Variants in GDA observed in about 807,000 individuals in gnomAD.
GDA encodes guanine deaminase.
Under a neutral mutation model 59.6 loss-of-function variants are expected in GDA, and 18 were observed. The observed-to-expected ratio is 0.30, with a 90% CI of 0.21 to 0.45. GDA has a LOEUF of 0.45. GDA is among the 20% of genes least tolerant of loss of function. GDA has a pLI of 1.00. For synonymous variants in GDA, 201 were observed against 201.1 expected (o/e 1.00, Z 0.00); for missense variants, 427 against 552.3 (o/e 0.77, Z 2.27).
At chr9:72,130,889 A>G (rs933944201) in intron 1 of GDA, among the ~76,000 whole-genome samples, 4 of 152,030 alleles carry the variant, frequency 2.6e-5, no homozygotes, top group African/African-American at 9.7e-5. Flanking sequence ...TGCTATCTTC[A>G]CCTCCTATCC....
chr9:72,133,024 C>T (rs956819879), intron 1 of GDA, among the ~76,000 whole-genome samples: 1 of 152,054 alleles, frequency 6.6e-6, no homozygotes, highest in Non-Finnish European at 1.5e-5. Context: ...GGTGCAGTGG[C>T]TCACACCTAT....
At chr9:72,236,180 A>G (rs1447048482) in intron 10 of GDA, among the ~76,000 whole-genome samples, 1 of 152,118 alleles carries the variant, frequency 6.6e-6, no homozygotes, top group East Asian at 1.9e-4. Flanking sequence ...TTGTATTCAC[A>G]TTGCAAAAGC....
At chr9:72,131,576 C>T (rs562052181) in intron 1 of GDA, among the ~76,000 whole-genome samples, 1 of 152,130 alleles carries the variant, frequency 6.6e-6, no homozygotes, top group African/African-American at 2.4e-5. Context: ...ATTATATCAG[C>T]CCTGAACCCT....
intron 1 of GDA, among the ~76,000 whole-genome samples, chr9:72,124,844 G>C (rs1825789983): frequency 6.6e-6 from 1 of 152,102 alleles, no homozygotes; most frequent in Admixed American, 6.5e-5. Context: ...TCCTGACCTT[G>C]TGATCCACCC....
intron 10 of GDA, among the ~76,000 whole-genome samples, chr9:72,235,434 T>A (rs1337449918): frequency 6.6e-6 from 1 of 152,226 alleles, no homozygotes; most frequent in Non-Finnish European, 1.5e-5. Context: ...AATTCTGTCT[T>A]ATAATTTTAT....
At chr9:72,138,804 G>A (rs1320235251) in intron 1 of GDA, among the ~76,000 whole-genome samples, 2 of 152,170 alleles carry the variant, frequency 1.3e-5, no homozygotes, top group African/African-American at 4.8e-5. Context: ...TATACAAGGC[G>A]CTCAACAAAT....
intron 3 of GDA, among the ~76,000 whole-genome samples, chr9:72,209,090 C>G (rs1835061796): frequency 6.7e-6 from 1 of 149,626 alleles, no homozygotes; most frequent in African/African-American, 2.5e-5. Context: ...TATCTGTGAC[C>G]AGTTTTTTTT....
intron 3 of GDA, among the ~76,000 whole-genome samples, chr9:72,209,898 T>C (rs1835154369): frequency 6.6e-6 from 1 of 152,160 alleles, no homozygotes. Context: ...AATGACTGAG[T>C]GCCCTTGAGG....
At position 72,149,511 on chromosome 9, in the gene GDA, G is replaced by C. The variant is rs1826871600; in HGVS notation, c.-49G>C. On this transcript the variant is annotated 5_prime_UTR_variant, in exon 1 of 14. Transcript: ENST00000358399. ...CAGAGAGTCCCGCTGCGTCTCCGCC[G>C]CGTGCGCCCTCCTCGACCAGCAGAC... The C allele has an allele frequency of 6.3e-7, 1 of 1,599,226 alleles. No homozygotes were observed. The highest frequency in any genetic ancestry group is 1.7e-5 in the Admixed American group (1 of 59,482).
rs1828966059 is a variant in GDA at position 72,163,894 on chromosome 9, G to T, written c.123+14212G>T. Among the ~76,000 whole-genome samples the T allele has an allele frequency of 1.3e-5, 2 of 152,170 alleles. 1 individual carries two copies. The highest frequency in any genetic ancestry group is 4.1e-4 in the South Asian group (2 of 4,824). ...GTGCAGGAGGCAGTTTCAGCAGCCA[G>T]GCTTGCATAGAATTACGTTCTTGGA... On this transcript the variant is annotated intron_variant, in intron 1 of 13. Transcript: ENST00000358399.
intron 1 of GDA, among the ~76,000 whole-genome samples, chr9:72,183,311 C>T (rs1587521821): frequency 6.6e-6 from 1 of 152,094 alleles, no homozygotes; most frequent in African/African-American, 2.4e-5. Context: ...ACAGCCTTGC[C>T]CATTCCACCT....
chr9:72,135,163 C>CT (rs901595354), intron 1 of GDA, among the ~76,000 whole-genome samples: 22 of 147,582 alleles, frequency 1.5e-4, no homozygotes, highest in East Asian at 2.0e-4. Context: ...CAAATAAGTA[C>CT]TTTTTTTTTT....
At chr9:72,198,211 A>G (rs373059631) in intron 2 of GDA, among the ~76,000 whole-genome samples, 1 of 151,892 alleles carries the variant, frequency 6.6e-6, no homozygotes, top group East Asian at 1.9e-4. Context: ...CCTGGCCAAC[A>G]TGGTGAAACC....
In GDA at chr9:72,231,947, C is replaced by T. The variant is rs139762220; in HGVS notation, c.988+766C>T. The stretch of plus-strand genomic sequence containing the variant: ...AATGAGACCTCTCCATATCCACAGG[C>T]AGTCTGCTTGTCTACTAGGCTGAGG... On this transcript the variant is annotated intron_variant, in intron 10 of 13. Transcript: ENST00000358399. 5.9e-5 allele frequency among the ~76,000 whole-genome samples: 9 copies of T among 152,336 alleles called. No individual in the cohort carries two copies. The East Asian group carries it at 1.5e-3, about 26-fold the overall frequency.
Position 72,245,166 on chromosome 9 carries a change from A to G in GDA, c.1154A>G (p.Glu385Gly). The G allele has an allele frequency of 1.2e-6, 2 of 1,613,698 alleles. No homozygotes were observed. Among genetic ancestry groups the G allele is most frequent in the Non-Finnish European group, 1.7e-6 (2 of 1,179,748 alleles). ...TCAATAGCCCTGGGGCTGGATGGTGAGATTGGAAACTTTGAAGTGGGCAAG... is the reference window on the plus strand; with the variant it reads ...TCAATAGCCCTGGGGCTGGATGGTGGGATTGGAAACTTTGAAGTGGGCAAG... The part of the protein sequence containing the change: ...GGSQALGLDG[E>G]IGNFEVGKEF... The change falls in exon 12 of 14, where the codon GAG becomes GGG. Residue 385 changes from glutamate (E) to glycine (G), a missense_variant. Coordinates refer to ENST00000358399, the MANE Select transcript of GDA (RefSeq NM_004293.5).
chr9:72,164,456 T>C (rs113228969), intron 1 of GDA, among the ~76,000 whole-genome samples: 1 of 152,180 alleles, frequency 6.6e-6, no homozygotes, highest in South Asian at 2.1e-4. Flanking sequence ...AGGGAGAGGG[T>C]GGCAATCAGC....
At chr9:72,206,476 T>A (rs1834721723) in intron 3 of GDA, among the ~76,000 whole-genome samples, 1 of 152,148 alleles carries the variant, frequency 6.6e-6, no homozygotes, top group Non-Finnish European at 1.5e-5. Context: ...CATCTGCACT[T>A]AATTTAACAA....
At chr9:72,128,687 G>A (rs1473849392) in intron 1 of GDA, among the ~76,000 whole-genome samples, 4 of 152,246 alleles carry the variant, frequency 2.6e-5, no homozygotes, top group South Asian at 2.1e-4. Flanking sequence ...AAGCCAGCAC[G>A]AAACCATCAC....
chr9:72,248,971 C>G lies in GDA; in HGVS notation c.*629C>G, dbSNP rs1123. ...TAGTGTTGTGCTTTGCCTTCTTTGG[C>G]GATGAATGTCAGAAATTGAATGCCA... is the stretch of plus-strand genomic sequence containing the variant. On this transcript the variant is annotated 3_prime_UTR_variant, in exon 14 of 14. Coordinates refer to ENST00000358399, the MANE Select transcript of GDA (RefSeq NM_004293.5). The G allele has an allele frequency of 0.78, 766,689 of 983,718 alleles. 299,030 individuals are homozygous for G. The highest frequency in any genetic ancestry group is 0.85 in the Admixed American group (13,857 of 16,268). 60.9% of individuals were successfully genotyped at this position (983,718 alleles called of 1,614,324 possible).
Sources: allele counts gnomAD v4.1 joint callset (sites outside exome capture counted in the v4.1 genomes callset), GRCh38; gene constraint gnomAD v4.1.1; transcripts MANE v1.5; gene names NCBI Gene and HGNC (gene_info 2026-07-23, HGNC 2026-07-21).